The following LGR5 variants were observed in gnomAD, a reference collection of about 807,000 sequenced individuals.
LGR5 encodes leucine-rich repeat-containing G protein-coupled receptor 5.
Under a neutral mutation model 76.7 loss-of-function variants are expected in LGR5, and 54 were observed. That is an observed-to-expected ratio of 0.70 (90% CI 0.57 to 0.88). The LOEUF (loss-of-function observed/expected upper bound fraction) is 0.88. Ranked by LOEUF, LGR5 falls within the 40% of genes least tolerant of loss-of-function variation. The pLI is 0.00. For missense variants in LGR5, 1,078 were observed against 1,073.3 expected, an observed-to-expected ratio of 1.00 and a Z score of -0.06; for synonymous variants, 406 against 421.9, an observed-to-expected ratio of 0.96 and a Z score of 0.46.
At chr12:71,563,456 T>G (rs1280608) in intron 8 of LGR5, among the ~76,000 whole-genome samples, 108,623 of 152,030 alleles carry the variant, frequency 0.71, 40,908 homozygotes, top group Non-Finnish European at 0.85. Flanking sequence ...TCTTGTTACT[T>G]CTGCTGTGAA....
chr12:71,506,852 ATTCC>A (rs779620735), intron 2 of LGR5, among the ~76,000 whole-genome samples: 24 of 152,204 alleles, frequency 1.6e-4, no homozygotes, highest in Non-Finnish European at 2.4e-4. Context: ...TTCTTGGTTT[ATTCC>A]TTTGTTCCCA....
intron 4 of LGR5, among the ~76,000 whole-genome samples, chr12:71,535,695 C>G (rs1434824415): frequency 6.6e-6 from 1 of 152,040 alleles, no homozygotes; most frequent in Non-Finnish European, 1.5e-5. Context: ...ACTGGTATAT[C>G]CTGAAGCTTC....
At chr12:71,524,117 C>G (rs971563582) in intron 2 of LGR5, among the ~76,000 whole-genome samples, 4 of 152,126 alleles carry the variant, frequency 2.6e-5, no homozygotes, top group African/African-American at 9.7e-5. Flanking sequence ...TTAGCATTTG[C>G]TTAAAAATTG....
chr12:71,480,285 T>C (rs1462125941), intron 1 of LGR5, among the ~76,000 whole-genome samples: 1 of 146,956 alleles, frequency 6.8e-6, no homozygotes, highest in Non-Finnish European at 1.5e-5. Flanking sequence ...CGCTTGAACC[T>C]GGGAGGTGGA....
At chr12:71,509,247 T>C (rs1466556166) in intron 2 of LGR5, among the ~76,000 whole-genome samples, 1 of 152,128 alleles carries the variant, frequency 6.6e-6, no homozygotes, top group African/African-American at 2.4e-5. Context: ...TTTCCAAGAA[T>C]CAAATGAAAG....
chr12:71,463,724 T>C (rs996852105), intron 1 of LGR5, among the ~76,000 whole-genome samples: 3 of 152,168 alleles, frequency 2.0e-5, no homozygotes, highest in Non-Finnish European at 4.4e-5. Flanking sequence ...TTCTACTGTA[T>C]ACTTGTAAAG....
rs1872325378 is a variant in LGR5 at position 71,453,292 on chromosome 12, T to A, written c.212+13000T>A. Among the ~76,000 whole-genome samples the A allele has an allele frequency of 5.3e-5, 8 of 152,216 alleles. No homozygotes were observed. The South Asian group carries it at 1.7e-3, about 32-fold the overall frequency. ...ATGAGGTTTCATATTTGCACATGAG[T>A]ATGTAGCATTTTGAAGACACTGCAC... On this transcript the variant is annotated intron_variant, in intron 1 of 17. Transcript: ENST00000266674.
intron 16 of LGR5, among the ~76,000 whole-genome samples, 167 bp downstream of exon 16, chr12:71,580,590 G>C (rs900651897): frequency 6.6e-6 from 1 of 152,164 alleles, no homozygotes; most frequent in African/African-American, 2.4e-5. Flanking sequence ...GAGGTCAGCA[G>C]TTCAAGACCA....
chr12:71,493,202 C>T (rs757251919), intron 1 of LGR5, among the ~76,000 whole-genome samples: 6 of 151,316 alleles, frequency 4.0e-5, no homozygotes, highest in African/African-American at 9.8e-5. Context: ...AGCAGTTTTT[C>T]GGCTATTTTT....
Position 71,571,588 on chromosome 12 carries a change from A to G in LGR5, c.1136+9A>G. On this transcript the variant is annotated intron_variant, in intron 12 of 17. Transcript: ENST00000266674. ...CAAAAGCTTCAGAAAATGTAAGTCT[A>G]GAAGTCTCTAAGTCACCTAGCAAAA... 6.3e-7 allele frequency: 1 copy of G among 1,597,296 alleles called. No homozygotes were observed. The highest frequency in any genetic ancestry group is 2.2e-5 in the East Asian group (1 of 44,766).
chr12:71,459,447 C>A (rs1267065798), intron 1 of LGR5, among the ~76,000 whole-genome samples: 2 of 152,102 alleles, frequency 1.3e-5, no homozygotes, highest in African/African-American at 4.8e-5. Context: ...AGCCCCACTC[C>A]CCACTGGAAG....
intron 1 of LGR5, among the ~76,000 whole-genome samples, chr12:71,464,426 G>T (rs1473279735): frequency 6.6e-6 from 1 of 152,166 alleles, no homozygotes; most frequent in Non-Finnish European, 1.5e-5. Flanking sequence ...AATCTGGTTA[G>T]GGGTATCTGA....
intron 1 of LGR5, among the ~76,000 whole-genome samples, chr12:71,489,963 C>T (rs992465011): frequency 3.9e-5 from 6 of 152,146 alleles, no homozygotes; most frequent in Middle Eastern, 6.8e-3. Flanking sequence ...ATCCTCCCAC[C>T]ACAGCCTCCG....
At chr12:71,519,237 C>T (rs944061049) in intron 2 of LGR5, among the ~76,000 whole-genome samples, 1 of 152,178 alleles carries the variant, frequency 6.6e-6, no homozygotes, top group East Asian at 1.9e-4. Flanking sequence ...TATATCGATA[C>T]CTGCATGGTG....
At chr12:71,489,532 T>C (rs1200534788) in intron 1 of LGR5, among the ~76,000 whole-genome samples, 3 of 152,200 alleles carry the variant, frequency 2.0e-5, no homozygotes, top group African/African-American at 4.8e-5. Context: ...ATTTCAGTGG[T>C]AGTCAACTTG....
chr12:71,526,848 T>C (rs1185760482), intron 3 of LGR5, among the ~76,000 whole-genome samples: 3 of 152,016 alleles, frequency 2.0e-5, no homozygotes, highest in Non-Finnish European at 4.4e-5. Flanking sequence ...AACTAGGAAT[T>C]AGCCACCCAA....
chr12:71,501,493 C>T (rs902578647), intron 1 of LGR5, among the ~76,000 whole-genome samples: 3 of 152,146 alleles, frequency 2.0e-5, no homozygotes, highest in Non-Finnish European at 4.4e-5. Context: ...CTAATTCTAT[C>T]ATTGGTAAGT....
intron 1 of LGR5, among the ~76,000 whole-genome samples, chr12:71,484,736 C>A (rs181758626): frequency 6.6e-6 from 1 of 152,266 alleles, no homozygotes; most frequent in Non-Finnish European, 1.5e-5. Context: ...ACGGTTCCTA[C>A]GAAAGTGACC....
At chr12:71,544,783 G>C (rs1877070453) in intron 4 of LGR5, among the ~76,000 whole-genome samples, 1 of 152,112 alleles carries the variant, frequency 6.6e-6, no homozygotes, top group Admixed American at 6.6e-5. Context: ...AATATATGCA[G>C]ATACAGAACC....
Sources: allele counts gnomAD v4.1 joint callset (sites outside exome capture counted in the v4.1 genomes callset), GRCh38; gene constraint gnomAD v4.1.1; transcripts MANE v1.5; gene names NCBI Gene and HGNC (gene_info 2026-07-23, HGNC 2026-07-21).